The following THSD7A variants were observed in gnomAD, a reference collection of about 807,000 sequenced individuals.
THSD7A encodes thrombospondin type 1 domain containing 7A.
In THSD7A, 96 loss-of-function variants were observed where a neutral mutation model predicts 231.3. The ratio of observed to expected loss-of-function variants is 0.41; its 90% confidence interval spans 0.35 to 0.49. THSD7A has a LOEUF of 0.49. THSD7A is among the 20% of genes least tolerant of loss of function. The pLI is 0.05. For synonymous variants in THSD7A, 940 were observed against 743.3 expected, an observed-to-expected ratio of 1.26 and a Z score of -4.30; for missense variants, 2,290 against 2,070.2, an observed-to-expected ratio of 1.11 and a Z score of -2.06.
intron 6 of THSD7A, among the ~76,000 whole-genome samples, chr7:11,488,108 C>A (rs574888990): frequency 6.6e-6 from 1 of 152,126 alleles, no homozygotes; most frequent in South Asian, 2.1e-4. Context: ...TTAAAAAGCA[C>A]ATTATTTAGA....
At chr7:11,429,833 G>C (rs1460737472) in intron 13 of THSD7A, among the ~76,000 whole-genome samples, 1 of 152,182 alleles carries the variant, frequency 6.6e-6, no homozygotes, top group Non-Finnish European at 1.5e-5. Context: ...AAGAGACAGG[G>C]AAAAGTTTTC....
intron 27 of THSD7A, 127 bp from the exon 28 acceptor site, chr7:11,376,005 A>T (rs1782257506): frequency 1.3e-6 from 1 of 760,626 alleles, no homozygotes; most frequent in East Asian, 2.6e-5. Context: ...CGTTGCCTAA[A>T]GTCTATCTAC....
At chr7:11,611,994 T>C (rs766644600) in intron 2 of THSD7A, among the ~76,000 whole-genome samples, 2 of 152,122 alleles carry the variant, frequency 1.3e-5, no homozygotes, top group Admixed American at 6.6e-5. Flanking sequence ...AGCTTTCTAA[T>C]TGCTGCCATA....
At chr7:11,769,153 A>ATATATATATTTT in intron 1 of THSD7A, among the ~76,000 whole-genome samples, 2 of 27,650 alleles carry the variant, frequency 7.2e-5, no homozygotes, top group African/African-American at 2.5e-4. Context: ...ATATATATAT[A>ATATATATATTTT]TTTTTTTTTT....
intron 8 of THSD7A, among the ~76,000 whole-genome samples, chr7:11,470,480 C>G (rs868460761): frequency 1.3e-5 from 2 of 151,672 alleles, no homozygotes; most frequent in African/African-American, 4.8e-5. Flanking sequence ...GGAGTATGTT[C>G]TTTACACAGT....
chr7:11,652,637 T>C (rs1367665362), intron 1 of THSD7A, among the ~76,000 whole-genome samples: 1 of 151,924 alleles, frequency 6.6e-6, no homozygotes, highest in Non-Finnish European at 1.5e-5. Flanking sequence ...TCATTTATGA[T>C]AACAAATATA....
intron 4 of THSD7A, among the ~76,000 whole-genome samples, chr7:11,578,434 G>A (rs1312999381): frequency 1.3e-5 from 2 of 152,120 alleles, no homozygotes; most frequent in African/African-American, 4.8e-5. Context: ...CTGACTGAAG[G>A]CATTTCTCTG....
At chr7:11,573,110 T>A (rs1187840419) in intron 4 of THSD7A, among the ~76,000 whole-genome samples, 1 of 152,156 alleles carries the variant, frequency 6.6e-6, no homozygotes, top group Non-Finnish European at 1.5e-5. Flanking sequence ...GGGACCATAG[T>A]CTTTCTGAGA....
intron 1 of THSD7A, among the ~76,000 whole-genome samples, chr7:11,685,330 C>T (rs1396250728): frequency 1.3e-5 from 2 of 151,866 alleles, no homozygotes; most frequent in East Asian, 3.9e-4. Flanking sequence ...AAATTTATGA[C>T]TAAGTCCTCA....
In THSD7A at chr7:11,450,884, G is replaced by C. The variant is rs1194967095; in HGVS notation, c.2606-3460C>G. 2.0e-5 allele frequency among the ~76,000 whole-genome samples: 3 copies of C among 151,940 alleles called. No individual in the cohort carries two copies. In the East Asian group the frequency reaches 5.8e-4, roughly 29 times the overall value. On this transcript the variant is annotated intron_variant, in intron 11 of 27. Transcript: ENST00000423059. Reference sequence around the variant, plus strand: ...TAATTCACCATGAAAGCTTCTCAGTGAGATCCGCAAAAATCAAGATGATTA... The same window carrying C: ...TAATTCACCATGAAAGCTTCTCAGTCAGATCCGCAAAAATCAAGATGATTA...
intron 2 of THSD7A, among the ~76,000 whole-genome samples, chr7:11,623,302 C>G (rs563959454): frequency 1.3e-5 from 2 of 152,230 alleles, no homozygotes; most frequent in Admixed American, 6.5e-5. Flanking sequence ...CTAGGAAAAG[C>G]AAGGAAGTAC....
intron 13 of THSD7A, among the ~76,000 whole-genome samples, chr7:11,438,375 A>C (rs1784698022): frequency 6.6e-6 from 1 of 152,030 alleles, no homozygotes; most frequent in Admixed American, 6.6e-5. Context: ...TTATTTTAAT[A>C]ATTAGTGCTA....
At chr7:11,421,857 G>C (rs765133909) in intron 16 of THSD7A, among the ~76,000 whole-genome samples, 9 of 152,052 alleles carry the variant, frequency 5.9e-5, no homozygotes, top group Non-Finnish European at 1.2e-4. Flanking sequence ...TGTCCCTGTT[G>C]TGGCATTTAT....
intron 2 of THSD7A, among the ~76,000 whole-genome samples, chr7:11,612,087 G>C (rs1003358360): frequency 6.6e-6 from 1 of 152,090 alleles, no homozygotes; most frequent in Non-Finnish European, 1.5e-5. Context: ...ATAAGGAAAA[G>C]AGTCCAGATT....
chr7:11,401,557 A>C (rs182695037), intron 23 of THSD7A, among the ~76,000 whole-genome samples: 90 of 152,056 alleles, frequency 5.9e-4, no homozygotes, highest in African/African-American at 2.0e-3. Context: ...AGCTTGGATT[A>C]CAGGAGCCTG....
At chr7:11,470,498 C>T (rs1785893645) in intron 8 of THSD7A, among the ~76,000 whole-genome samples, 1 of 151,458 alleles carries the variant, frequency 6.6e-6, no homozygotes, top group South Asian at 2.1e-4. Flanking sequence ...AGTACATGCT[C>T]AAAACACAAT....
intron 9 of THSD7A, among the ~76,000 whole-genome samples, chr7:11,464,791 G>A (rs1016513305): frequency 1.1e-4 from 17 of 152,060 alleles, no homozygotes; most frequent in African/African-American, 4.1e-4. Context: ...GACGTTTAAT[G>A]GGGTTACACA....
In THSD7A at chr7:11,814,151, A is replaced by G. The variant is rs534739688; in HGVS notation, c.190+17606T>C. Among the ~76,000 whole-genome samples the G allele has an allele frequency of 2.0e-5, 3 of 152,316 alleles. No individual in the cohort carries two copies. The South Asian group carries it at 6.2e-4, about 32-fold the overall frequency. On this transcript the variant is annotated intron_variant, in intron 1 of 27. Transcript: ENST00000423059. This position sits in a 1 kb window ranked among gnomAD's most constrained non-coding sequence, Gnocchi z 5.1. Reference sequence around the variant, plus strand: ...CGGGACCTGGGCTGATGGCTCAGGGATGCAGGATTTCTTCTTGGGGTAATG... The same window carrying G: ...CGGGACCTGGGCTGATGGCTCAGGGGTGCAGGATTTCTTCTTGGGGTAATG...
chr7:11,393,355 G>C (rs112036568), intron 23 of THSD7A, among the ~76,000 whole-genome samples: 39 of 152,220 alleles, frequency 2.6e-4, no homozygotes, highest in African/African-American at 8.7e-4. Flanking sequence ...CAGAGACCCC[G>C]AACTGAAGGT....
Sources: gnomAD v4.1 joint callset for allele counts (sites outside exome capture counted in the v4.1 genomes callset) on GRCh38, gnomAD v4.1.1 for gene constraint, Gnocchi (gnomAD v3.1) non-coding constraint, MANE v1.5 for transcripts, NCBI Gene and HGNC (gene_info 2026-07-23, HGNC 2026-07-21) for gene names.